Variants in SYNE1 observed in about 807,000 individuals in gnomAD.
SYNE1 encodes the protein nesprin-1.
SYNE1 carries 616 observed loss-of-function variants against 1,111.0 expected under a neutral mutation model. The observed-to-expected ratio is 0.55, with a 90% CI of 0.52 to 0.59. The LOEUF (loss-of-function observed/expected upper bound fraction) is 0.59. Among genes scored for constraint, SYNE1 ranks in the 20% least tolerant of loss-of-function variants. SYNE1 has a pLI of 0.00. For synonymous variants in SYNE1, 3,855 were observed against 3,825.8 expected (o/e 1.01, Z -0.28); for missense variants, 10,006 against 10,417.0 (o/e 0.96, Z 1.72).
At chr6:152,506,235 A>G (rs1223186916) in intron 8 of SYNE1, among the ~76,000 whole-genome samples, 2 of 152,150 alleles carry the variant, frequency 1.3e-5, no homozygotes, top group Non-Finnish European at 2.9e-5. Flanking sequence ...GTAACTTATC[A>G]ATTATAAAGG....
intron 11 of SYNE1, among the ~76,000 whole-genome samples, chr6:152,490,309 G>A (rs570231258): frequency 6.9e-6 from 1 of 144,668 alleles, no homozygotes; most frequent in South Asian, 2.3e-4. Context: ...AATCACTTGT[G>A]AATATCTAGG....
chr6:152,140,504 C>T (rs2058294580), intron 139 of SYNE1, among the ~76,000 whole-genome samples: 1 of 152,040 alleles, frequency 6.6e-6, no homozygotes, highest in African/African-American at 2.4e-5. Context: ...TATAAAATGC[C>T]TGATTAGATA....
intron 132 of SYNE1, 39 bp from the exon 133 acceptor site, chr6:152,155,081 A>C: frequency 2.5e-6 from 4 of 1,613,654 alleles, no homozygotes; most frequent in Non-Finnish European, 3.4e-6. Flanking sequence ...AGATTATTGG[A>C]GACTGTTTTC....
chr6:152,308,462 T>C, intron 91 of SYNE1, 27 bp downstream of exon 91: 1 of 1,614,046 alleles, frequency 6.2e-7, no homozygotes, highest in South Asian at 1.1e-5. Flanking sequence ...TTTCCTGCCC[T>C]CGGTATTTCG....
intron 4 of SYNE1, among the ~76,000 whole-genome samples, chr6:152,526,858 A>G (rs951298970): frequency 6.6e-6 from 1 of 152,206 alleles, no homozygotes; most frequent in African/African-American, 2.4e-5. Context: ...CTGGAAAAAT[A>G]AGCCAAAGAC....
rs1273313519 is a variant in SYNE1 at position 152,381,147 on chromosome 6, C to G, written c.8868G>C (p.Gln2956His). 1.9e-6 allele frequency: 3 copies of G among 1,614,196 alleles called. No homozygotes were observed. The highest frequency in any genetic ancestry group is 2.5e-6 in the Non-Finnish European group (3 of 1,180,038). Residue 2956 changes from glutamine (Q) to histidine (H), a missense_variant, in exon 56 of 146, where the codon CAG becomes CAC. By Grantham distance (24) the Gln-to-His change is conservative. This residue lies in a region of SYNE1 where 4,955 missense variants were observed against 5,017.2 expected (regional missense o/e 0.99). Coordinates refer to ENST00000367255, the MANE Select transcript of SYNE1 (RefSeq NM_182961.4). ...GTTGAGCCACTTGGCCTGAGAATTC[C>G]TGCTCCGAAAGGGCCATCTGGCTGA... Reference protein sequence around the residue: ...NLVSQMALSEQEFSGQVAQLE... With the variant: ...NLVSQMALSEHEFSGQVAQLE...
Position 152,425,427 on chromosome 6 carries a change from G to T in SYNE1, c.5221C>A (p.Gln1741Lys). 1 of 1,614,118 alleles carries T rather than the reference G, an allele frequency of 6.2e-7. No homozygotes were observed. The highest frequency in any genetic ancestry group is 8.5e-7 in the Non-Finnish European group (1 of 1,179,998). The change falls in exon 39 of 146, where the codon CAG (glutamine) becomes AAG (lysine). Residue 1741 changes from glutamine to lysine, a missense_variant. Coordinates refer to ENST00000367255, the MANE Select transcript of SYNE1 (RefSeq NM_182961.4). ...DVKMMKLHLE[Q>K]LDERWRDLPQ... ...AAATCTCTCCATCTCTCATCCAACTGCTCCAAATGTAGTTTCATCATTTTC... is the reference window on the plus strand; with the variant it reads ...AAATCTCTCCATCTCTCATCCAACTTCTCCAAATGTAGTTTCATCATTTTC...
chr6:152,462,677 C>A, intron 20 of SYNE1, 61 bp downstream of exon 20: 1 of 1,604,308 alleles, frequency 6.2e-7, no homozygotes, highest in Non-Finnish European at 8.5e-7. Context: ...TCTGAATAAA[C>A]TTGCTGATCT....
At chr6:152,522,633 G>A (rs779421878) in intron 5 of SYNE1, among the ~76,000 whole-genome samples, 2 of 151,896 alleles carry the variant, frequency 1.3e-5, no homozygotes, top group Non-Finnish European at 2.9e-5. Flanking sequence ...AAATCATACC[G>A]TTTTTCCATA....
intron 130 of SYNE1, among the ~76,000 whole-genome samples, chr6:152,166,280 T>C: frequency 6.6e-6 from 1 of 152,258 alleles, no homozygotes. Flanking sequence ...CTCAGTGCTT[T>C]GCACTAAACT....
intron 99 of SYNE1, among the ~76,000 whole-genome samples, chr6:152,268,462 G>A (rs1220295270): frequency 6.6e-6 from 1 of 150,668 alleles, no homozygotes; most frequent in Admixed American, 6.6e-5. Context: ...GGTACAAAAT[G>A]TACTCTCATT....
chr6:152,516,455 C>T (rs1204856869), intron 6 of SYNE1, among the ~76,000 whole-genome samples: 1 of 152,174 alleles, frequency 6.6e-6, no homozygotes, highest in Non-Finnish European at 1.5e-5. Flanking sequence ...TTCGCCAAGG[C>T]TTCCAAGTTA....
intron 120 of SYNE1, 88 bp from the exon 121 acceptor site, chr6:152,218,491 T>C (rs1343484585): frequency 1.4e-6 from 2 of 1,415,368 alleles, no homozygotes; most frequent in African/African-American, 2.9e-5. Flanking sequence ...CAAGTGGATA[T>C]TAAAATTATT....
chr6:152,188,426 A>G (rs1411196832), intron 128 of SYNE1, among the ~76,000 whole-genome samples: 2 of 152,264 alleles, frequency 1.3e-5, no homozygotes, highest in East Asian at 1.9e-4. Flanking sequence ...ATTTTTTTAA[A>G]ACGTTGTGCA....
intron 5 of SYNE1, 117 bp downstream of exon 5, chr6:152,525,963 C>T: frequency 1.1e-6 from 1 of 901,416 alleles, no homozygotes; most frequent in Non-Finnish European, 1.8e-6. Context: ...ATACTACCAA[C>T]CACGACAAAT....
intron 4 of SYNE1, among the ~76,000 whole-genome samples, chr6:152,538,594 T>C (rs1249139710): frequency 6.7e-6 from 1 of 150,156 alleles, no homozygotes; most frequent in African/African-American, 2.5e-5. Context: ...GTAACCTCTG[T>C]ACACTATGAA....
intron 56 of SYNE1, among the ~76,000 whole-genome samples, chr6:152,379,938 A>C (rs1410700200): frequency 6.6e-6 from 1 of 152,242 alleles, no homozygotes. Flanking sequence ...GGAACCAAGA[A>C]AGTGTAACTG....
intron 21 of SYNE1, among the ~76,000 whole-genome samples, chr6:152,459,847 G>T (rs1334973447): frequency 6.6e-6 from 1 of 152,180 alleles, no homozygotes; most frequent in African/African-American, 2.4e-5. Flanking sequence ...CTTGAAGAAA[G>T]TGGGAGAGGG....
rs762360790 is a variant in SYNE1, at chr6:152,255,764, G to A, written c.19105-18C>T. The A allele has an allele frequency of 1.9e-6, 3 of 1,614,020 alleles. No individual in the cohort carries two copies. The highest frequency in any genetic ancestry group is 1.1e-5 in the South Asian group (1 of 91,084). On this transcript the variant is annotated intron_variant, in intron 102 of 145. Coordinates refer to ENST00000367255, the MANE Select transcript of SYNE1 (RefSeq NM_182961.4). ...CCTCCACTCTGGGAAACACAAAACA[G>A]GGTCAAATAATCAATTTCAGTGTTT...
Sources: gnomAD v4.1 joint callset for allele counts (sites outside exome capture counted in the v4.1 genomes callset) on GRCh38, gnomAD v4.1.1 for gene constraint, gnomAD v4.1.1 regional missense constraint, MANE v1.5 for transcripts, NCBI Gene and HGNC (gene_info 2026-07-23, HGNC 2026-07-21) for gene names.